Variants in DGKI observed in about 807,000 individuals in gnomAD.
DGKI encodes the protein DAG kinase iota.
DGKI carries 55 observed loss-of-function variants against 147.5 expected under a neutral mutation model. That is an observed-to-expected ratio of 0.37 (90% CI 0.30 to 0.47). The LOEUF is 0.47. Among genes scored for constraint, DGKI ranks in the 20% least tolerant of loss-of-function variants. DGKI has a pLI of 1.00. For synonymous variants in DGKI, 469 were observed against 477.1 expected, an observed-to-expected ratio of 0.98 and a Z score of 0.22; for missense variants, 1,007 against 1,323.8, an observed-to-expected ratio of 0.76 and a Z score of 3.71.
At chr7:137,698,903 G>C (rs1474510601) in intron 1 of DGKI, among the ~76,000 whole-genome samples, 1 of 152,178 alleles carries the variant, frequency 6.6e-6, no homozygotes, top group Non-Finnish European at 1.5e-5. Flanking sequence ...CAATAGAAAG[G>C]AAGGGAAGGA....
chr7:137,765,754 G>A (rs573674070), intron 1 of DGKI, among the ~76,000 whole-genome samples: 1 of 152,190 alleles, frequency 6.6e-6, no homozygotes, highest in African/African-American at 2.4e-5. Context: ...CTCAGGTCTG[G>A]ATGGACTCTA....
At position 137,388,756 on chromosome 7, in the gene DGKI, G is replaced by A. The variant is rs1811255942; in HGVS notation, c.*2464C>T. The A allele has an allele frequency of 6.6e-6, 1 of 151,338 alleles. No individual in the cohort carries two copies. The allele number at this position is 151,338 out of a possible 1,614,324, so 9.4% of individuals were successfully genotyped here. On this transcript the variant is annotated 3_prime_UTR_variant, in exon 33 of 33. Transcript: ENST00000614521. ...CCTAGTGGTACTTGCTTTTTTCAAA[G>A]CGATATATCAAATATTGGTCTCCAT... is the stretch of plus-strand genomic sequence containing the variant.
intron 27 of DGKI, among the ~76,000 whole-genome samples, chr7:137,456,566 C>CA (rs938015960): frequency 1.3e-5 from 2 of 152,172 alleles, no homozygotes; most frequent in African/African-American, 4.8e-5. Context: ...AAGGAACTCA[C>CA]ATGCTTTAAA....
At chr7:137,747,121 A>G (rs1795362659) in intron 1 of DGKI, among the ~76,000 whole-genome samples, 2 of 152,094 alleles carry the variant, frequency 1.3e-5, no homozygotes, top group African/African-American at 4.8e-5. Context: ...ATTTTTTTTA[A>G]TCACAAGCGG....
intron 6 of DGKI, among the ~76,000 whole-genome samples, chr7:137,635,976 C>T (rs1165434061): frequency 6.6e-6 from 1 of 152,148 alleles, no homozygotes; most frequent in Non-Finnish European, 1.5e-5. Context: ...CTGCTGCACC[C>T]AGTTACTTTG....
chr7:137,788,771 T>A (rs1164762575), intron 1 of DGKI, among the ~76,000 whole-genome samples: 2 of 152,144 alleles, frequency 1.3e-5, no homozygotes, highest in Non-Finnish European at 2.9e-5. Flanking sequence ...TGCAGTCATT[T>A]CTATGCTTTC....
intron 20 of DGKI, chr7:137,546,005 C>T (rs572027646): frequency 4.3e-6 from 3 of 698,524 alleles, no homozygotes; most frequent in Non-Finnish European, 7.8e-6. Context: ...GAGTCAGCGA[C>T]AGCGTGGACA....
chr7:137,628,679 G>A (rs1465724710), intron 6 of DGKI, among the ~76,000 whole-genome samples: 1 of 152,178 alleles, frequency 6.6e-6, no homozygotes, highest in Admixed American at 6.5e-5. Flanking sequence ...AGATGCTTTG[G>A]ATCCAACTGA....
rs866637303 is a variant in DGKI, at chr7:137,540,781, A to C, written c.2147+11588T>G. Among the ~76,000 whole-genome samples the C allele has an allele frequency of 3.6e-3, 531 of 148,556 alleles. 7 individuals carry two copies. The highest frequency in any genetic ancestry group is 0.013 in the African/African-American group (498 of 39,780). On this transcript the variant is annotated intron_variant, in intron 20 of 32. Transcript: ENST00000614521. ...CCCCCCCAAAAAAAAAAAAAAAAAA[A>C]AAAAAAACATTTACAATGGCTCCAA... is the stretch of plus-strand genomic sequence containing the variant.
chr7:137,734,964 T>A (rs1032988914), intron 1 of DGKI, among the ~76,000 whole-genome samples: 1 of 152,142 alleles, frequency 6.6e-6, no homozygotes, highest in Non-Finnish European at 1.5e-5. Context: ...TTTGCCCTTC[T>A]ATATAATTGA....
At chr7:137,475,053 G>T (rs1048009986) in intron 23 of DGKI, among the ~76,000 whole-genome samples, 7 of 152,086 alleles carry the variant, frequency 4.6e-5, no homozygotes, top group African/African-American at 1.7e-4. Context: ...CTCATGTTAG[G>T]CAGCTGAGAC....
At chr7:137,795,925 C>A (rs1441479365) in intron 1 of DGKI, among the ~76,000 whole-genome samples, 1 of 152,178 alleles carries the variant, frequency 6.6e-6, no homozygotes, top group Non-Finnish European at 1.5e-5. Flanking sequence ...CAACAAAGAA[C>A]ACAGACTTTA....
At chr7:137,548,891 G>A (rs1438427362) in intron 20 of DGKI, among the ~76,000 whole-genome samples, 1 of 152,138 alleles carries the variant, frequency 6.6e-6, no homozygotes, top group Non-Finnish European at 1.5e-5. Context: ...AACCCGGGAG[G>A]CGGAGGTTGC....
chr7:137,580,813 C>A (rs1819161352), intron 15 of DGKI, among the ~76,000 whole-genome samples: 1 of 152,082 alleles, frequency 6.6e-6, no homozygotes. Context: ...TCTGTTATTT[C>A]AAATTCCAAA....
At chr7:137,679,990 C>CAAAAAAAAA (rs768437551) in intron 2 of DGKI, among the ~76,000 whole-genome samples, 1,088 of 54,014 alleles carry the variant, frequency 0.02, 65 homozygotes, top group African/African-American at 0.065. Context: ...GACTCCATCT[C>CAAAAAAAAA]AAAAAAAAAA....
chr7:137,835,685 T>C (rs1293499108), intron 1 of DGKI, among the ~76,000 whole-genome samples: 1 of 152,134 alleles, frequency 6.6e-6, no homozygotes, highest in Non-Finnish European at 1.5e-5. Context: ...GGCAATGAGG[T>C]CATCCTCATT....
At chr7:137,463,734 T>G (rs1432521907) in intron 26 of DGKI, 123 bp from the exon 27 acceptor site, 1 of 1,099,902 alleles carries the variant, frequency 9.1e-7, no homozygotes, top group Non-Finnish European at 1.3e-6. Context: ...TTATGAAGTG[T>G]TTACCAGATA....
chr7:137,630,736 T>C (rs1821097339), intron 6 of DGKI, among the ~76,000 whole-genome samples: 2 of 152,118 alleles, frequency 1.3e-5, no homozygotes, highest in Non-Finnish European at 2.9e-5. Flanking sequence ...GACAAAAATA[T>C]TTTTTTCAGA....
chr7:137,620,893 A>G (rs1820725268), intron 7 of DGKI, among the ~76,000 whole-genome samples: 1 of 152,218 alleles, frequency 6.6e-6, no homozygotes, highest in Admixed American at 6.5e-5. Context: ...TAAAAATTCA[A>G]CCTCAGTTTC....
Sources: allele counts gnomAD v4.1 joint callset (sites outside exome capture counted in the v4.1 genomes callset), GRCh38; gene constraint gnomAD v4.1.1; transcripts MANE v1.5; gene names NCBI Gene and HGNC (gene_info 2026-07-23, HGNC 2026-07-21).